Variants in RAD51B observed in about 807,000 individuals in gnomAD.
The protein encoded by RAD51B is RAD51 paralog B, also known as DNA repair protein RAD51 homolog 2.
A neutral mutation model predicts 42.2 loss-of-function variants in RAD51B; 38 were observed. That is an observed-to-expected ratio of 0.90 (90% confidence interval 0.70 to 1.18). RAD51B has a LOEUF of 1.18. Ranked by LOEUF, RAD51B falls within the 50% of genes most tolerant of loss-of-function variation. The pLI is 0.00. For missense variants in RAD51B, 373 were observed against 400.7 expected (o/e 0.93, Z 0.59); for synonymous variants, 154 against 145.2 (o/e 1.06, Z -0.43).
chr14:67,967,537 A>T (rs1336709938), intron 7 of RAD51B, among the ~76,000 whole-genome samples: 1 of 152,220 alleles, frequency 6.6e-6, no homozygotes. Context: ...GCCATTTCAG[A>T]TGGGAGAAAT....
At chr14:68,642,942 G>A (rs916162124) in intron 10 of RAD51B, among the ~76,000 whole-genome samples, 21 of 152,194 alleles carry the variant, frequency 1.4e-4, no homozygotes, top group African/African-American at 4.1e-4. Context: ...GTTTAATTCC[G>A]TTGTAGTTTG....
At chr14:68,387,107 T>G (rs925481771) in intron 8 of RAD51B, 2 of 152,218 alleles carry the variant, frequency 1.3e-5, no homozygotes, top group African/African-American at 4.8e-5. Flanking sequence ...TCCTCTCAAA[T>G]TCCAGTTCCA....
At chr14:68,681,640 T>C (rs1290769245) in intron 11 of RAD51B, among the ~76,000 whole-genome samples, 2 of 152,176 alleles carry the variant, frequency 1.3e-5, no homozygotes, top group African/African-American at 2.4e-5. Context: ...GCCTGGAAGA[T>C]GACCAGGGAG....
chr14:68,411,737 T>C (rs980209400), intron 9 of RAD51B, among the ~76,000 whole-genome samples: 1 of 152,092 alleles, frequency 6.6e-6, no homozygotes, highest in Non-Finnish European at 1.5e-5. Flanking sequence ...AACATAAGAA[T>C]TGATCCCACA....
At chr14:68,079,222 TG>T (rs1278773256) in intron 7 of RAD51B, among the ~76,000 whole-genome samples, 4 of 152,206 alleles carry the variant, frequency 2.6e-5, no homozygotes, top group African/African-American at 9.7e-5. Flanking sequence ...CCCACTATGC[TG>T]GTATGATTTC....
intron 7 of RAD51B, among the ~76,000 whole-genome samples, chr14:67,992,323 C>G (rs2075308918): frequency 6.6e-6 from 1 of 152,078 alleles, no homozygotes; most frequent in Non-Finnish European, 1.5e-5. Context: ...AAGTGACAAC[C>G]AATTGTTACA....
intron 7 of RAD51B, among the ~76,000 whole-genome samples, chr14:68,101,296 A>G (rs2077284941): frequency 1.3e-5 from 2 of 152,302 alleles, no homozygotes; most frequent in African/African-American, 2.4e-5. Context: ...TTCAAAACAT[A>G]ATCATGCCAT....
chr14:68,519,394 A>G (rs186219790), intron 10 of RAD51B, among the ~76,000 whole-genome samples: 77 of 152,368 alleles, frequency 5.1e-4, no homozygotes, highest in African/African-American at 1.8e-3. Context: ...AATAAATTCA[A>G]TAAAGTTTGA....
chr14:68,679,740 G>A (rs1039500451), intron 11 of RAD51B, among the ~76,000 whole-genome samples: 5 of 152,166 alleles, frequency 3.3e-5, no homozygotes, highest in African/African-American at 1.2e-4. Flanking sequence ...TGTAAAATCT[G>A]TGTTGCTCTC....
intron 7 of RAD51B, among the ~76,000 whole-genome samples, chr14:67,966,752 C>T (rs973557842): frequency 6.6e-6 from 1 of 152,138 alleles, no homozygotes; most frequent in Non-Finnish European, 1.5e-5. Context: ...ACTTACTCTG[C>T]CTCTCAGTTT....
At chr14:68,653,279 G>A (rs925668341) in intron 11 of RAD51B, among the ~76,000 whole-genome samples, 1 of 152,196 alleles carries the variant, frequency 6.6e-6, no homozygotes, top group Non-Finnish European at 1.5e-5. Flanking sequence ...CTGGAGGCCA[G>A]GGGTTGGAGA....
chr14:68,503,584 C>T (rs567280380), intron 10 of RAD51B, among the ~76,000 whole-genome samples: 3 of 152,270 alleles, frequency 2.0e-5, no homozygotes, highest in South Asian at 2.1e-4. Flanking sequence ...AGAGAGGTGA[C>T]GAGAGGCTCT....
At chr14:67,940,952 G>A (rs2045183196) in intron 7 of RAD51B, among the ~76,000 whole-genome samples, 1 of 152,010 alleles carries the variant, frequency 6.6e-6, no homozygotes, top group Admixed American at 6.5e-5. Flanking sequence ...TCATATGCTT[G>A]CCCAGGCCTG....
chr14:67,872,124 A>G (rs1337504035), intron 5 of RAD51B, among the ~76,000 whole-genome samples: 2 of 150,804 alleles, frequency 1.3e-5, no homozygotes, highest in African/African-American at 2.4e-5. Context: ...AGGGTATTCA[A>G]TTAGGAAAAG....
At chr14:68,271,486 C>G (rs950470883) in intron 7 of RAD51B, among the ~76,000 whole-genome samples, 6 of 151,918 alleles carry the variant, frequency 3.9e-5, no homozygotes, top group African/African-American at 1.2e-4. Context: ...ATTATAGCAC[C>G]TTGAAAGTGT....
chr14:68,575,100 T>G (rs1889901820), intron 10 of RAD51B, among the ~76,000 whole-genome samples: 1 of 152,248 alleles, frequency 6.6e-6, no homozygotes, highest in Non-Finnish European at 1.5e-5. Context: ...AAGTACCATT[T>G]CCTGCATGCC....
intron 7 of RAD51B, among the ~76,000 whole-genome samples, chr14:67,930,588 G>T (rs976248322): frequency 6.6e-6 from 1 of 152,134 alleles, no homozygotes; most frequent in Admixed American, 6.5e-5. Flanking sequence ...CTTTGTAGGT[G>T]ACTAGACATT....
chr14:68,295,620 G>A (rs969003522), intron 8 of RAD51B, among the ~76,000 whole-genome samples: 3 of 152,066 alleles, frequency 2.0e-5, no homozygotes, highest in Non-Finnish European at 4.4e-5. Context: ...AATAGTACAG[G>A]ATCTGTTGGG....
chr14:68,014,103 A>G (rs2075733878), intron 7 of RAD51B, among the ~76,000 whole-genome samples: 1 of 152,060 alleles, frequency 6.6e-6, no homozygotes. Flanking sequence ...TGGTAAGGTT[A>G]GTAATTTGCG....
Sources: allele counts gnomAD v4.1 joint callset (sites outside exome capture counted in the v4.1 genomes callset), GRCh38; gene constraint gnomAD v4.1.1; transcripts MANE v1.5; gene names NCBI Gene and HGNC (gene_info 2026-07-23, HGNC 2026-07-21).